The following MPPED2 variants were observed in gnomAD, a reference collection of about 807,000 sequenced individuals.
The protein encoded by MPPED2 is metallophosphoesterase domain containing 2.
MPPED2 carries 5 observed loss-of-function variants against 33.0 expected under a neutral mutation model. The ratio of observed to expected loss-of-function variants is 0.15; its 90% CI spans 0.08 to 0.32. The LOEUF (loss-of-function observed/expected upper bound fraction) is 0.32. Among genes scored for constraint, MPPED2 ranks in the 10% least tolerant of loss-of-function variants. The pLI is 1.00. For synonymous variants in MPPED2, 136 were observed against 141.9 expected, an observed-to-expected ratio of 0.96 and a Z score of 0.29; for missense variants, 275 against 372.1, an observed-to-expected ratio of 0.74 and a Z score of 2.15.
At chr11:30,561,030 C>T (rs981616889) in intron 2 of MPPED2, among the ~76,000 whole-genome samples, 1 of 152,150 alleles carries the variant, frequency 6.6e-6, no homozygotes, top group African/African-American at 2.4e-5. Context: ...AGGTGTTCAA[C>T]CCACATGCAA....
chr11:30,579,614 T>A (rs1376310829), intron 2 of MPPED2, among the ~76,000 whole-genome samples: 1 of 152,134 alleles, frequency 6.6e-6, no homozygotes, highest in Non-Finnish European at 1.5e-5. Flanking sequence ...ATGACTTAAA[T>A]AGTATTAGGG....
intron 4 of MPPED2, among the ~76,000 whole-genome samples, chr11:30,429,549 G>C (rs483410): frequency 0.25 from 37,636 of 152,110 alleles, 5,400 homozygotes; most frequent in Non-Finnish European, 0.33. Context: ...CACAGACCCG[G>C]TGTCTCCCTC....
chr11:30,495,779 A>T (rs1296903322), intron 3 of MPPED2, among the ~76,000 whole-genome samples: 1 of 152,240 alleles, frequency 6.6e-6, no homozygotes, highest in Non-Finnish European at 1.5e-5. Flanking sequence ...CCTCTTCTGT[A>T]TGCTATGTAT....
At chr11:30,395,012 T>C (rs562371780) in intron 6 of MPPED2, among the ~76,000 whole-genome samples, 14 of 152,344 alleles carry the variant, frequency 9.2e-5, no homozygotes, top group Non-Finnish European at 1.9e-4. Flanking sequence ...TCGTCATACT[T>C]GTGTGGCTTT....
In MPPED2 at chr11:30,495,336, C is replaced by G; in HGVS notation, c.496G>C (p.Glu166Gln). The G allele has an allele frequency of 6.2e-7, 1 of 1,614,120 alleles. No individual in the cohort carries two copies. Among genetic ancestry groups the G allele is most frequent in the African/African-American group, 1.3e-5 (1 of 75,048 alleles). The part of the protein sequence containing the change: ...LTNSIYLQDS[E>Q]VTVKGFRIYG... ...ATCCTGAATCCCTTCACTGTTACCT[C>G]CGAATCTTGTAAGTAAATACTGTTT... The change falls in exon 4 of 7, where the codon GAG (glutamate) becomes CAG (glutamine). Residue 166 changes from glutamate to glutamine, a missense_variant. Glu to Gln is a conservative substitution (Grantham distance 29). Coordinates refer to ENST00000358117, the MANE Select transcript of MPPED2 (RefSeq NM_001584.3).
intron 4 of MPPED2, among the ~76,000 whole-genome samples, chr11:30,474,738 T>C (rs1222330620): frequency 1.3e-5 from 2 of 151,910 alleles, no homozygotes; most frequent in Non-Finnish European, 2.9e-5. Context: ...ATTCCAATAA[T>C]AACATTGGTA....
chr11:30,416,353 T>A (rs901809017), intron 5 of MPPED2, among the ~76,000 whole-genome samples: 1 of 152,256 alleles, frequency 6.6e-6, no homozygotes, highest in Admixed American at 6.5e-5. Context: ...CATGGGCCAC[T>A]TCCCTTGTAA....
chr11:30,508,765 G>T (rs141437920), intron 3 of MPPED2, among the ~76,000 whole-genome samples: 254 of 152,266 alleles, frequency 1.7e-3, no homozygotes, highest in African/African-American at 5.8e-3. Context: ...CTGTGGTATG[G>T]TGTGTAGAAC....
chr11:30,569,192 C>G (rs1004718808), intron 2 of MPPED2, among the ~76,000 whole-genome samples: 3 of 152,074 alleles, frequency 2.0e-5, no homozygotes, highest in Non-Finnish European at 4.4e-5. Flanking sequence ...CCATCCACCA[C>G]CACCGAGGGG....
At chr11:30,467,739 A>G (rs1429254059) in intron 4 of MPPED2, among the ~76,000 whole-genome samples, 1 of 152,260 alleles carries the variant, frequency 6.6e-6, no homozygotes, top group African/African-American at 2.4e-5. Flanking sequence ...TTGCATCTGC[A>G]TATCATAGAA....
chr11:30,417,350 T>C (rs189427071), intron 5 of MPPED2, among the ~76,000 whole-genome samples, 168 bp downstream of exon 5: 129 of 152,104 alleles, frequency 8.5e-4, no homozygotes, highest in Non-Finnish European at 1.5e-3. Flanking sequence ...CCAGCAGAAC[T>C]GCTGAGTTTA....
intron 3 of MPPED2, among the ~76,000 whole-genome samples, chr11:30,515,191 A>G (rs140024873): frequency 6.6e-6 from 1 of 152,336 alleles, no homozygotes; most frequent in Non-Finnish European, 1.5e-5. Context: ...CAGAGGAGCT[A>G]AATGAAGTCT....
chr11:30,555,983 TC>T (rs1390859121), intron 2 of MPPED2, among the ~76,000 whole-genome samples: 2 of 152,134 alleles, frequency 1.3e-5, no homozygotes, highest in African/African-American at 4.8e-5. Context: ...GAAAATCTTT[TC>T]CTTCTTAAAT....
chr11:30,583,127 ACTTTTT>A (rs1564920060), intron 1 of MPPED2, among the ~76,000 whole-genome samples: 2 of 86,950 alleles, frequency 2.3e-5, no homozygotes, highest in African/African-American at 1.2e-4. Flanking sequence ...CCTGGAAAAG[ACTTTTT>A]CTTTTTTTTT....
intron 3 of MPPED2, among the ~76,000 whole-genome samples, chr11:30,497,682 C>T (rs1161608042): frequency 6.7e-6 from 1 of 150,024 alleles, no homozygotes; most frequent in East Asian, 1.9e-4. Flanking sequence ...ATATTTTCCC[C>T]CTTCAGACTG....
intron 3 of MPPED2, among the ~76,000 whole-genome samples, chr11:30,502,235 CA>C (rs3837404): frequency 0.28 from 42,848 of 152,080 alleles, 7,014 homozygotes; most frequent in Middle Eastern, 0.44. Context: ...GATGACCCCA[CA>C]TATGTGACAA....
intron 4 of MPPED2, among the ~76,000 whole-genome samples, chr11:30,455,787 C>T (rs1174372066): frequency 6.6e-6 from 1 of 152,200 alleles, no homozygotes; most frequent in Non-Finnish European, 1.5e-5. Flanking sequence ...TCCCCACTCA[C>T]AAAGGTAAAG....
chr11:30,541,646 A>G (rs1037289740), intron 2 of MPPED2, among the ~76,000 whole-genome samples: 6 of 152,172 alleles, frequency 3.9e-5, no homozygotes, highest in African/African-American at 1.4e-4. Context: ...AAACTCAAGT[A>G]CAGTGGCATA....
intron 3 of MPPED2, among the ~76,000 whole-genome samples, chr11:30,532,461 T>C (rs1159976172): frequency 1.3e-5 from 2 of 152,230 alleles, no homozygotes; most frequent in African/African-American, 2.4e-5. Flanking sequence ...TTTTAACTTC[T>C]GCTTTTGGGA....
Sources: gnomAD v4.1 joint callset for allele counts (sites outside exome capture counted in the v4.1 genomes callset) on GRCh38, gnomAD v4.1.1 for gene constraint, MANE v1.5 for transcripts, NCBI Gene and HGNC (gene_info 2026-07-23, HGNC 2026-07-21) for gene names.